Variants in INPP4A observed in about 807,000 individuals in gnomAD.
INPP4A encodes inositol polyphosphate-4-phosphatase type I A.
A neutral mutation model predicts 119.8 loss-of-function variants in INPP4A; 33 were observed. The ratio of observed to expected loss-of-function variants is 0.28; its 90% CI spans 0.21 to 0.37. The LOEUF is 0.37. Ranked by LOEUF, INPP4A falls within the 10% of genes least tolerant of loss-of-function variation. The pLI is 1.00. For missense variants in INPP4A, 956 were observed against 1,289.9 expected, an observed-to-expected ratio of 0.74 and a Z score of 3.97; for synonymous variants, 496 against 500.7, an observed-to-expected ratio of 0.99 and a Z score of 0.12.
intron 11 of INPP4A, 95 bp from the exon 12 acceptor site, chr2:98,545,874 T>A (rs953202784): frequency 6.0e-6 from 5 of 830,126 alleles, no homozygotes; most frequent in Middle Eastern, 2.3e-4. Context: ...CCTGCTTATA[T>A]GCCACAGCAT....
At chr2:98,509,477 C>T (rs568503358) in intron 1 of INPP4A, among the ~76,000 whole-genome samples, 2 of 152,178 alleles carry the variant, frequency 1.3e-5, no homozygotes, top group Non-Finnish European at 1.5e-5. Context: ...CCTTGACCAG[C>T]CCCCCAAAAT....
chr2:98,538,823 T>C, intron 8 of INPP4A, 68 bp from the exon 9 acceptor site: 1 of 885,372 alleles, frequency 1.1e-6, no homozygotes, highest in Non-Finnish European at 1.9e-6. Context: ...AGGCCACTGT[T>C]TCTGCTGAAT....
chr2:98,573,802 T>A (rs1373136020), intron 23 of INPP4A, among the ~76,000 whole-genome samples: 1 of 152,222 alleles, frequency 6.6e-6, no homozygotes, highest in Non-Finnish European at 1.5e-5. Context: ...ATTAGTCCTG[T>A]GTTCAAGCCG....
rs1311908707 is a variant in INPP4A at position 98,444,926 on chromosome 2, G to A, written c.-325G>A. On this transcript the variant is annotated 5_prime_UTR_variant, in exon 1 of 25. Transcript: ENST00000409851. ...GGGTTCGCTGCTGGTTTGCCGCCGG[G>A]TCGGGCTCCGTGGGCCGGGGCAGGA... The A allele has an allele frequency of 6.6e-6, 1 of 151,286 alleles. No homozygotes were observed. Among genetic ancestry groups the A allele is most frequent in the Non-Finnish European group, 1.5e-5 (1 of 67,816 alleles). The allele number at this position is 151,286 out of a possible 1,614,324, so 9.4% of individuals were successfully genotyped here.
chr2:98,496,619 A>G (rs4850879), intron 1 of INPP4A, among the ~76,000 whole-genome samples: 36,932 of 152,146 alleles, frequency 0.24, 4,627 homozygotes, highest in Middle Eastern at 0.35. Context: ...CAAACTATAC[A>G]TTAGACAAGG....
intron 1 of INPP4A, among the ~76,000 whole-genome samples, chr2:98,517,938 A>G (rs574059859): frequency 6.6e-6 from 1 of 152,338 alleles, no homozygotes; most frequent in Non-Finnish European, 1.5e-5. Flanking sequence ...ATTCTCATTG[A>G]AGAACAAACA....
At chr2:98,548,617 CTT>C (rs1341671535) in intron 13 of INPP4A, among the ~76,000 whole-genome samples, 2 of 152,202 alleles carry the variant, frequency 1.3e-5, no homozygotes, top group Non-Finnish European at 2.9e-5. Flanking sequence ...CAAAATACCT[CTT>C]AGTATTTTTC....
chr2:98,490,676 G>A (rs147193109), intron 1 of INPP4A, among the ~76,000 whole-genome samples: 68 of 152,222 alleles, frequency 4.5e-4, no homozygotes, highest in Non-Finnish European at 7.5e-4. Flanking sequence ...TTTGAAACTA[G>A]GACTCCACAT....
rs776788231 is a variant in INPP4A at position 98,555,729 on chromosome 2, A to G, written c.1743A>G (p.Glu581=). The change falls in exon 16 of 25, where the codon GAA becomes GAG. Residue 581 remains glutamate (E), a synonymous_variant. Coordinates refer to ENST00000409851, the MANE Select transcript of INPP4A (RefSeq NM_001134225.2). ...GCCACGCCTACTGGATCAGACCAGA[A>G]GACCCCTTCTGTGATGTCCCCTCCT... ...PDSHAYWIRP[E]DPFCDVPSSP... 13 of 1,608,108 alleles carry G rather than the reference A, an allele frequency of 8.1e-6. No homozygotes were observed. The highest frequency in any genetic ancestry group is 1.0e-5 in the Non-Finnish European group (12 of 1,177,042).
intron 1 of INPP4A, among the ~76,000 whole-genome samples, chr2:98,454,539 A>C (rs142390615): frequency 6.6e-6 from 1 of 152,242 alleles, no homozygotes; most frequent in Non-Finnish European, 1.5e-5. Context: ...ACTGCAGTGC[A>C]CTGGACCGGT....
chr2:98,483,949 A>T (rs1679019135), intron 1 of INPP4A, among the ~76,000 whole-genome samples: 1 of 152,122 alleles, frequency 6.6e-6, no homozygotes, highest in African/African-American at 2.4e-5. Context: ...CTCCTTGCAG[A>T]TGCCCCTGCC....
intron 24 of INPP4A, among the ~76,000 whole-genome samples, chr2:98,584,357 T>A (rs1230892478): frequency 1.3e-5 from 2 of 152,212 alleles, no homozygotes; most frequent in Non-Finnish European, 2.9e-5. Flanking sequence ...TTACGTGCAC[T>A]CCCACTTCCA....
At chr2:98,482,030 T>C (rs762727879) in intron 1 of INPP4A, among the ~76,000 whole-genome samples, 2 of 152,220 alleles carry the variant, frequency 1.3e-5, no homozygotes, top group African/African-American at 2.4e-5. Flanking sequence ...TCCCAGTTTT[T>C]TGGGAAGCTG....
intron 1 of INPP4A, among the ~76,000 whole-genome samples, chr2:98,488,205 C>T (rs1314463298): frequency 1.3e-5 from 2 of 152,144 alleles, no homozygotes; most frequent in Non-Finnish European, 2.9e-5. Flanking sequence ...ACTCCAGGCT[C>T]ATCTTGTGTA....
Position 98,545,971 on chromosome 2 carries a change from C to T in INPP4A, c.952C>T (p.Pro318Ser), listed in dbSNP as rs1476941295. Residue 318 changes from proline to serine, a missense_variant and splice_region_variant, in exon 12 of 25, where the codon CCC (proline) becomes TCC (serine). Pro to Ser is a moderately conservative substitution (Grantham distance 74, BLOSUM62 -1). This residue lies in a region of INPP4A where 652 missense variants were observed against 797.9 expected (regional missense o/e 0.82). Coordinates refer to ENST00000409851, the MANE Select transcript of INPP4A (RefSeq NM_001134225.2). ...TCTTCTCCTATTCCATTTCTTAGGG[C>T]CCTCGTTTAAAGCAAGCAGTTTGAA... ...NLTDLHQYRG[P>S]SFKASSLKAD... 1 of 1,583,606 alleles carries T rather than the reference C, an allele frequency of 6.3e-7. No individual in the cohort carries two copies. Among genetic ancestry groups the T allele is most frequent in the Non-Finnish European group, 8.6e-7 (1 of 1,163,696 alleles).
rs1700402517 is a variant in INPP4A at position 98,591,535 on chromosome 2, A to G, written c.*3927A>G. On this transcript the variant is annotated 3_prime_UTR_variant, in exon 25 of 25. Transcript: ENST00000409851. ...TTTAAAGTTAAGCCAAGAAGAAGACATGTCAGGACGCCCAGACATCAGCTA... is the reference window on the plus strand; with the variant it reads ...TTTAAAGTTAAGCCAAGAAGAAGACGTGTCAGGACGCCCAGACATCAGCTA... 6.6e-6 allele frequency: 1 copy of G among 152,144 alleles called. No individual in the cohort carries two copies. Among genetic ancestry groups the G allele is most frequent in the African/African-American group, 2.4e-5 (1 of 41,430 alleles). The allele number at this position is 152,144 out of a possible 1,614,324, so 9.4% of individuals were successfully genotyped here. A position where few individuals can be genotyped will look rare whatever the true frequency, so the allele number is the denominator to read the frequency against.
rs778600798 is a variant in INPP4A at position 98,554,504 on chromosome 2, G to A, written c.1566+15G>A. Reference sequence around the variant, plus strand: ...AGGAGGAGTGGGTGAGTCTGCTGCTGTGGCTGTCATCCCACTGCTGAACTT... The same window carrying A: ...AGGAGGAGTGGGTGAGTCTGCTGCTATGGCTGTCATCCCACTGCTGAACTT... On this transcript the variant is annotated intron_variant, in intron 15 of 24. Transcript: ENST00000409851. The surrounding 1 kb of genome is among the most constrained non-coding windows in gnomAD (Gnocchi z 4.7). The A allele has an allele frequency of 5.6e-6, 9 of 1,607,536 alleles. No individual in the cohort carries two copies. The highest frequency in any genetic ancestry group is 7.7e-6 in the Non-Finnish European group (9 of 1,176,082).
intron 1 of INPP4A, among the ~76,000 whole-genome samples, chr2:98,450,088 T>G (rs557732722): frequency 6.6e-5 from 10 of 152,182 alleles, no homozygotes; most frequent in Admixed American, 2.0e-4. Flanking sequence ...TTTTTAAGTG[T>G]GATGCTTTTT....
At chr2:98,586,334 ATGTT>A (rs1699944555) in intron 24 of INPP4A, among the ~76,000 whole-genome samples, 1 of 151,626 alleles carries the variant, frequency 6.6e-6, no homozygotes, top group South Asian at 2.1e-4. Flanking sequence ...ATTGCCACTG[ATGTT>A]TTTTTTTTTT....
Sources: gnomAD v4.1 joint callset for allele counts (sites outside exome capture counted in the v4.1 genomes callset) on GRCh38, gnomAD v4.1.1 for gene constraint, gnomAD v4.1.1 regional missense constraint, Gnocchi (gnomAD v3.1) non-coding constraint, MANE v1.5 for transcripts, NCBI Gene and HGNC (gene_info 2026-07-23, HGNC 2026-07-21) for gene names.